Variants in CACNA2D3 observed in about 807,000 individuals in gnomAD.
The protein encoded by CACNA2D3 is calcium voltage-gated channel auxiliary subunit alpha2delta 3.
CACNA2D3 carries 60 observed loss-of-function variants against 160.6 expected under a neutral mutation model. The ratio of observed to expected loss-of-function variants is 0.37; its 90% confidence interval spans 0.30 to 0.46. The LOEUF (loss-of-function observed/expected upper bound fraction) is 0.46, where lower values mean the gene tolerates loss of function less well. CACNA2D3 is among the 20% of genes least tolerant of loss of function. The pLI, the probability that CACNA2D3 is intolerant of heterozygous loss-of-function variation, is 1.00. For missense variants in CACNA2D3, 1,205 were observed against 1,365.0 expected (o/e 0.88, Z 1.85); for synonymous variants, 558 against 492.9 (o/e 1.13, Z -1.75).
chr3:54,914,938 T>A (rs1023472554), intron 27 of CACNA2D3, among the ~76,000 whole-genome samples: 28 of 152,232 alleles, frequency 1.8e-4, no homozygotes, highest in African/African-American at 6.5e-4. Context: ...GAATGTGTGC[T>A]ACAGATAGAT....
intron 2 of CACNA2D3, among the ~76,000 whole-genome samples, chr3:54,255,934 A>G (rs1289805633): frequency 6.6e-6 from 1 of 152,164 alleles, no homozygotes; most frequent in African/African-American, 2.4e-5. Context: ...TAACTTATCC[A>G]AGGTCACAGA....
At chr3:54,970,313 T>G (rs537565872) in intron 29 of CACNA2D3, among the ~76,000 whole-genome samples, 123 of 152,158 alleles carry the variant, frequency 8.1e-4, no homozygotes, top group African/African-American at 2.8e-3. Flanking sequence ...AACCTAGGAG[T>G]TAAAAACTTT....
At chr3:54,353,755 GC>G (rs1172225279) in intron 3 of CACNA2D3, among the ~76,000 whole-genome samples, 2 of 152,150 alleles carry the variant, frequency 1.3e-5, no homozygotes, top group African/African-American at 2.4e-5. Flanking sequence ...AGAGAAATTA[GC>G]CAAGCCATCT....
chr3:55,039,630 C>T (rs1703915803), intron 35 of CACNA2D3, among the ~76,000 whole-genome samples: 1 of 152,190 alleles, frequency 6.6e-6, no homozygotes, highest in South Asian at 2.1e-4. Flanking sequence ...TTGATAATTT[C>T]CTTGGGTTCT....
At position 54,480,475 on chromosome 3, in the gene CACNA2D3, C is replaced by T. The variant is rs1015826819; in HGVS notation, c.382-23017C>T. 9.2e-5 allele frequency among the ~76,000 whole-genome samples: 14 copies of T among 152,174 alleles called. 1 individual carries two copies. Among genetic ancestry groups the T allele is most frequent in the Middle Eastern group, 6.8e-3 (2 of 294 alleles). The stretch of plus-strand genomic sequence containing the variant: ...TTTTACTGTCTTGGGTCATCACCAA[C>T]GTGATTTTTAGTTCCCCTGTAGTAG... On this transcript the variant is annotated intron_variant, in intron 4 of 37. Transcript: ENST00000474759.
intron 2 of CACNA2D3, among the ~76,000 whole-genome samples, chr3:54,241,294 T>C (rs1208330392): frequency 1.2e-4 from 19 of 152,208 alleles, no homozygotes; most frequent in Non-Finnish European, 2.9e-5. Flanking sequence ...TGTTGGGCAC[T>C]GTTGTAAGCA....
At chr3:54,519,258 G>A (rs1319244334) in intron 5 of CACNA2D3, among the ~76,000 whole-genome samples, 3 of 152,228 alleles carry the variant, frequency 2.0e-5, no homozygotes, top group Non-Finnish European at 4.4e-5. Flanking sequence ...AGAGGTCAGT[G>A]TCCTGGTGTT....
intron 9 of CACNA2D3, among the ~76,000 whole-genome samples, chr3:54,615,314 CAAAT>C (rs369161406): frequency 1.7e-4 from 26 of 152,116 alleles, no homozygotes; most frequent in Admixed American, 1.4e-3. Flanking sequence ...AAGTAAATAC[CAAAT>C]AAATAAATAA....
At chr3:54,819,805 A>G (rs1412973344) in intron 14 of CACNA2D3, among the ~76,000 whole-genome samples, 2 of 152,090 alleles carry the variant, frequency 1.3e-5, no homozygotes, top group African/African-American at 4.8e-5. Context: ...AGATCACACT[A>G]CTGCACTCCA....
intron 27 of CACNA2D3, chr3:54,924,954 GC>G (rs1262155816): frequency 4.3e-6 from 7 of 1,611,322 alleles, no homozygotes; most frequent in Non-Finnish European, 5.9e-6. Flanking sequence ...AGCTCCAGGG[GC>G]CAGATTTGAA....
At chr3:54,361,014 A>G (rs1254549244) in intron 3 of CACNA2D3, among the ~76,000 whole-genome samples, 2 of 152,112 alleles carry the variant, frequency 1.3e-5, no homozygotes, top group Admixed American at 1.3e-4. Context: ...GACCTTAAGA[A>G]TGGTTAATAT....
intron 12 of CACNA2D3, among the ~76,000 whole-genome samples, chr3:54,761,845 A>G (rs75441919): frequency 6.6e-6 from 1 of 152,120 alleles, no homozygotes; most frequent in African/African-American, 2.4e-5. Context: ...GGGTTGGCAC[A>G]CCAAATTCAA....
chr3:55,064,899 G>T (rs1704600750), intron 35 of CACNA2D3, among the ~76,000 whole-genome samples: 1 of 152,154 alleles, frequency 6.6e-6, no homozygotes, highest in Non-Finnish European at 1.5e-5. Context: ...TTATGGGGAT[G>T]GGGGCAGGGG....
chr3:54,375,776 C>A (rs988225049), intron 3 of CACNA2D3, among the ~76,000 whole-genome samples: 1 of 152,006 alleles, frequency 6.6e-6, no homozygotes, highest in South Asian at 2.1e-4. Context: ...AGAATGGGAT[C>A]CAGGGCACTG....
chr3:54,492,886 G>A (rs1436356185), intron 4 of CACNA2D3, among the ~76,000 whole-genome samples: 3 of 152,090 alleles, frequency 2.0e-5, no homozygotes, highest in African/African-American at 2.4e-5. Context: ...GGGGCTGCAC[G>A]GAGTGAGCCC....
intron 3 of CACNA2D3, among the ~76,000 whole-genome samples, chr3:54,363,400 C>T (rs985243648): frequency 6.6e-6 from 1 of 152,050 alleles, no homozygotes; most frequent in African/African-American, 2.4e-5. Context: ...GGCCCCAGTT[C>T]CTTGCACTCT....
intron 4 of CACNA2D3, among the ~76,000 whole-genome samples, chr3:54,433,177 C>A (rs773417267): frequency 6.6e-6 from 1 of 152,010 alleles, no homozygotes; most frequent in Non-Finnish European, 1.5e-5. Context: ...TCATTTGGGA[C>A]CATGAGTGTT....
At chr3:54,318,726 A>G (rs1703923249) in intron 2 of CACNA2D3, among the ~76,000 whole-genome samples, 1 of 130,034 alleles carries the variant, frequency 7.7e-6, no homozygotes, top group South Asian at 2.5e-4. Flanking sequence ...ACAAGGCCTT[A>G]CTGTGTCACC....
chr3:54,815,584 G>C (rs1703431250), intron 13 of CACNA2D3, among the ~76,000 whole-genome samples: 1 of 152,208 alleles, frequency 6.6e-6, no homozygotes, highest in Non-Finnish European at 1.5e-5. Context: ...CAGAGAGAAA[G>C]TCTACTGTCA....
Sources: gnomAD v4.1 joint callset for allele counts (sites outside exome capture counted in the v4.1 genomes callset) on GRCh38, gnomAD v4.1.1 for gene constraint, MANE v1.5 for transcripts, NCBI Gene and HGNC (gene_info 2026-07-23, HGNC 2026-07-21) for gene names.